Variants in FER observed in about 807,000 individuals in gnomAD.
FER encodes the protein tyrosine-protein kinase Fer.
A neutral mutation model predicts 111.0 loss-of-function variants in FER; 63 were observed. That is an observed-to-expected ratio of 0.57 (90% confidence interval 0.46 to 0.70). The LOEUF is 0.70. Ranked by LOEUF, FER falls within the 30% of genes least tolerant of loss-of-function variation. The probability of loss-of-function intolerance (pLI) is 0.00; values close to 1 mark genes in which losing one functional copy is unlikely to be tolerated. For synonymous variants in FER, 327 were observed against 313.9 expected (o/e 1.04, Z -0.44); for missense variants, 914 against 954.0 (o/e 0.96, Z 0.55).
chr5:109,142,502 G>A (rs1336688825), intron 17 of FER, among the ~76,000 whole-genome samples: 1 of 152,104 alleles, frequency 6.6e-6, no homozygotes, highest in Admixed American at 6.6e-5. Flanking sequence ...TTATAATTAA[G>A]ATAACAAGAG....
Position 109,193,588 on chromosome 5 carries a change from T to C in FER, c.*6013T>C, listed in dbSNP as rs1370841655. The C allele has an allele frequency of 6.6e-6, 1 of 152,184 alleles. No individual in the cohort carries two copies. Among genetic ancestry groups the C allele is most frequent in the East Asian group, 1.9e-4 (1 of 5,202 alleles). 9.4% of individuals were successfully genotyped at this position (152,184 alleles called of 1,614,324 possible). ...TGTTGATGCTGGAAGTGGAATGTTA[T>C]GTTTTCGCTCAGCTGTATTCATTCA... is the stretch of plus-strand genomic sequence containing the variant. On this transcript the variant is annotated 3_prime_UTR_variant, in exon 20 of 20. Coordinates refer to ENST00000281092, the MANE Select transcript of FER (RefSeq NM_005246.4).
At chr5:109,118,566 G>C (rs1750566233) in intron 17 of FER, among the ~76,000 whole-genome samples, 1 of 152,148 alleles carries the variant, frequency 6.6e-6, no homozygotes, top group Admixed American at 6.5e-5. Context: ...GATTGGAATA[G>C]TTTCAGAAGG....
intron 5 of FER, among the ~76,000 whole-genome samples, chr5:108,856,382 T>C (rs1763011443): frequency 6.6e-6 from 1 of 152,198 alleles, no homozygotes; most frequent in African/African-American, 2.4e-5. Flanking sequence ...CAACAGATAT[T>C]ATCTGCTTTT....
chr5:109,143,698 T>TTTTTG (rs140515513), intron 17 of FER, among the ~76,000 whole-genome samples: 15 of 87,774 alleles, frequency 1.7e-4, no homozygotes, highest in South Asian at 3.4e-4. Context: ...TCCACCAATC[T>TTTTTG]TTTTGTTTTG....
At chr5:108,794,430 G>A (rs1755756344) in intron 2 of FER, among the ~76,000 whole-genome samples, 1 of 151,768 alleles carries the variant, frequency 6.6e-6, no homozygotes, top group South Asian at 2.1e-4. Context: ...TGTTGGCCAG[G>A]CTGGTCTCAA....
chr5:109,137,502 G>A (rs1285292211), intron 17 of FER, among the ~76,000 whole-genome samples: 1 of 152,226 alleles, frequency 6.6e-6, no homozygotes, highest in Non-Finnish European at 1.5e-5. Context: ...ACTATAAGAA[G>A]TAGGGCAAGA....
rs114417085 is a variant in FER at position 109,175,562 on chromosome 5, C to G, written c.2049-5185C>G. Among the ~76,000 whole-genome samples the G allele has an allele frequency of 9.9e-3, 1,504 of 152,164 alleles. 37 individuals carry two copies. The highest frequency in any genetic ancestry group is 0.034 in the African/African-American group (1,413 of 41,502). On this transcript the variant is annotated intron_variant, in intron 17 of 19. Coordinates refer to ENST00000281092, the MANE Select transcript of FER (RefSeq NM_005246.4). ...GGCAAAGGTTTTATGGCTAAGACTT[C>G]AAAAGCTCAGGCAACTAAAACAAAA...
At chr5:108,908,058 T>C (rs949126444) in intron 10 of FER, among the ~76,000 whole-genome samples, 2 of 152,342 alleles carry the variant, frequency 1.3e-5, no homozygotes, top group Admixed American at 1.3e-4. Context: ...TATATACCAA[T>C]TAGATTTTCT....
chr5:109,182,191 T>C (rs1281359587), intron 18 of FER, among the ~76,000 whole-genome samples: 1 of 152,214 alleles, frequency 6.6e-6, no homozygotes, highest in Non-Finnish European at 1.5e-5. Context: ...ATACTAGAAG[T>C]CATATGGTAA....
At chr5:109,066,088 T>G (rs1339381211) in intron 16 of FER, among the ~76,000 whole-genome samples, 1 of 152,214 alleles carries the variant, frequency 6.6e-6, no homozygotes, top group African/African-American at 2.4e-5. Flanking sequence ...TTAAATATTT[T>G]CAGGTTAGAA....
At chr5:109,105,794 A>G (rs1748844164) in intron 17 of FER, among the ~76,000 whole-genome samples, 1 of 152,220 alleles carries the variant, frequency 6.6e-6, no homozygotes, top group Non-Finnish European at 1.5e-5. Context: ...TACTAGACAC[A>G]GTTCTTCTAA....
chr5:109,121,886 G>C (rs1751024366), intron 17 of FER, among the ~76,000 whole-genome samples: 1 of 152,000 alleles, frequency 6.6e-6, no homozygotes, highest in South Asian at 2.1e-4. Context: ...TTGGCTTATA[G>C]TTCCTCATAG....
At chr5:108,786,222 C>G (rs1754699481) in intron 2 of FER, among the ~76,000 whole-genome samples, 1 of 152,212 alleles carries the variant, frequency 6.6e-6, no homozygotes, top group Non-Finnish European at 1.5e-5. Flanking sequence ...TAAGCCAGTG[C>G]TGTCCTCCCT....
chr5:109,039,734 T>C (rs77067434), intron 14 of FER, among the ~76,000 whole-genome samples: 1 of 152,050 alleles, frequency 6.6e-6, no homozygotes, highest in Non-Finnish European at 1.5e-5. Context: ...GGGAATGTGA[T>C]AGGAGAGGAA....
chr5:109,048,890 A>T (rs970282793), intron 16 of FER, among the ~76,000 whole-genome samples: 2 of 151,022 alleles, frequency 1.3e-5, no homozygotes, highest in African/African-American at 4.9e-5. Flanking sequence ...TTTTGCAGTT[A>T]TCTATACAAT....
intron 13 of FER, among the ~76,000 whole-genome samples, chr5:108,974,485 T>C (rs1761079394): frequency 2.0e-5 from 3 of 152,190 alleles, no homozygotes; most frequent in African/African-American, 7.2e-5. Context: ...GAGTGGAGAC[T>C]ACATTAGTCA....
intron 11 of FER, among the ~76,000 whole-genome samples, chr5:108,948,262 T>C (rs1261983160): frequency 6.6e-6 from 1 of 152,130 alleles, no homozygotes; most frequent in East Asian, 1.9e-4. Flanking sequence ...AATGGAACGC[T>C]TAGATCAACA....
At chr5:108,960,341 AT>A (rs1758979371) in intron 13 of FER, among the ~76,000 whole-genome samples, 1 of 152,040 alleles carries the variant, frequency 6.6e-6, no homozygotes, top group Non-Finnish European at 1.5e-5. Flanking sequence ...GACCTTTAAT[AT>A]TTCTCTCACA....
At chr5:109,044,313 G>A (rs530141858) in intron 14 of FER, among the ~76,000 whole-genome samples, 270 of 151,742 alleles carry the variant, frequency 1.8e-3, no homozygotes, top group Middle Eastern at 0.014. Context: ...CAAGTAGCTG[G>A]GACTACAGGC....
Sources: allele counts gnomAD v4.1 joint callset (sites outside exome capture counted in the v4.1 genomes callset), GRCh38; gene constraint gnomAD v4.1.1; transcripts MANE v1.5; gene names NCBI Gene and HGNC (gene_info 2026-07-23, HGNC 2026-07-21).